The following PIM1 variants were observed in gnomAD, a reference collection of about 807,000 sequenced individuals.
PIM1 encodes the protein Pim-1 proto-oncogene, serine/threonine kinase.
A neutral mutation model predicts 34.5 loss-of-function variants in PIM1; 9 were observed. The ratio of observed to expected loss-of-function variants is 0.26; its 90% CI spans 0.16 to 0.46. PIM1 has a LOEUF of 0.46. Among genes scored for constraint, PIM1 ranks in the 20% least tolerant of loss-of-function variants. PIM1 has a pLI of 1.00. For synonymous variants in PIM1, 199 were observed against 175.2 expected (o/e 1.14, Z -1.07); for missense variants, 274 against 410.9 (o/e 0.67, Z 2.88).
Position 37,171,000 on chromosome 6 carries a change from A to G in PIM1, c.209A>G (p.Glu70Gly), listed in dbSNP as rs576745819. 6.2e-7 allele frequency: 1 copy of G among 1,614,060 alleles called. No homozygotes were observed. The highest frequency in any genetic ancestry group is 8.5e-7 in the Non-Finnish European group (1 of 1,179,996). Reference sequence around the variant, plus strand: ...TTCCAGGTGGCCATCAAACACGTGGAGAAGGACCGGATTTCCGACTGGGGA... The same window carrying G: ...TTCCAGGTGGCCATCAAACACGTGGGGAAGGACCGGATTTCCGACTGGGGA... ...DNLPVAIKHV[E>G]KDRISDWGEL... The change falls in exon 3 of 6, where the codon GAG becomes GGG. Residue 70 changes from glutamate (E) to glycine (G), a missense_variant. By Grantham distance (98) the Glu-to-Gly change is moderately conservative. Transcript: ENST00000373509.
chr6:37,172,395 A>G (rs1387202883), intron 4 of PIM1: 2 of 346,738 alleles, frequency 5.8e-6, no homozygotes, highest in Non-Finnish European at 1.1e-5. Flanking sequence ...TTCTTTTACT[A>G]CCCAAAGTTT....
At chr6:37,171,819 G>C (rs2113770738) in intron 4 of PIM1, among the ~76,000 whole-genome samples, 1 of 152,334 alleles carries the variant, frequency 6.6e-6, no homozygotes, top group African/African-American at 2.4e-5. Flanking sequence ...GCCAGTAAAA[G>C]GATGGGGGCG....
intron 5 of PIM1, among the ~76,000 whole-genome samples, chr6:37,173,545 A>AC (rs1762346021): frequency 6.6e-6 from 1 of 152,212 alleles, no homozygotes; most frequent in African/African-American, 2.4e-5. Context: ...ATATTTTGGT[A>AC]CCAGTGACCT....
Position 37,170,472 on chromosome 6 carries a change from G to T in PIM1, c.-104G>T. 6.4e-7 allele frequency: 1 copy of T among 1,568,088 alleles called. No individual in the cohort carries two copies. ...AGCCGCAACGCCACCCGCAGCCACA[G>T]CCACAGCCACAGCCCCAGGCATAGC... On this transcript the variant is annotated 5_prime_UTR_variant, in exon 1 of 6. Coordinates refer to ENST00000373509, the MANE Select transcript of PIM1 (RefSeq NM_002648.4).
rs1762252175 is a variant in PIM1, at chr6:37,170,479, CCACAGCCCCAGGCATAGCCTTCGG to C, written c.-87_-64del. 6 of 1,576,404 alleles carry C rather than the reference CCACAGCCCCAGGCATAGCCTTCGG, an allele frequency of 3.8e-6. No individual in the cohort carries two copies. Among genetic ancestry groups the C allele is most frequent in the South Asian group, 1.1e-5 (1 of 88,342 alleles). On this transcript the variant is annotated 5_prime_UTR_variant, in exon 1 of 6. Coordinates refer to ENST00000373509, the MANE Select transcript of PIM1 (RefSeq NM_002648.4). ...ACGCCACCCGCAGCCACAGCCACAG[CCACAGCCCCAGGCATAGCCTTCGG>C]CACAGCCCCGGCTCCGGCTCCTGCG... is the stretch of plus-strand genomic sequence containing the variant.
At chr6:37,172,099 C>T (rs897952615) in intron 4 of PIM1, among the ~76,000 whole-genome samples, 1 of 151,690 alleles carries the variant, frequency 6.6e-6, no homozygotes, top group African/African-American at 2.4e-5. Context: ...GAAAACCTAT[C>T]CTAGGGAGGG....
Position 37,170,647 on chromosome 6 carries a change from G to C in PIM1, c.72G>C (p.Lys24Asn). 6.2e-7 allele frequency: 1 copy of C among 1,612,176 alleles called. No individual in the cohort carries two copies. Among genetic ancestry groups the C allele is most frequent in the Non-Finnish European group, 8.5e-7 (1 of 1,179,380 alleles). ...AAPCNDLHAT[K>N]LAPGKEKEPL... The stretch of plus-strand genomic sequence containing the variant: ...CCTGCAACGACCTGCACGCCACCAA[G>C]CTGGCGCCCGGTGAGAGCACCCCCC... The change falls in exon 1 of 6, where the codon AAG becomes AAC. Residue 24 changes from lysine to asparagine, a missense_variant. By Grantham distance (94) the Lys-to-Asn change is moderately conservative. Around this residue, in one of 2 missense-constraint regions of PIM1, gnomAD observed 106 missense variants for 111.5 expected, o/e 0.95. Coordinates refer to ENST00000373509, the MANE Select transcript of PIM1 (RefSeq NM_002648.4).
At chr6:37,172,000 G>C (rs1338419034) in intron 4 of PIM1, among the ~76,000 whole-genome samples, 1 of 151,690 alleles carries the variant, frequency 6.6e-6, no homozygotes. Context: ...TTTCTTTAGT[G>C]TTAAGGGGAG....
At position 37,174,702 on chromosome 6, in the gene PIM1, C is replaced by T. The variant is rs550152972; in HGVS notation, c.*611C>T. 1.3e-5 allele frequency: 3 copies of T among 233,718 alleles called. No homozygotes were observed. Among genetic ancestry groups the T allele is most frequent in the African/African-American group, 6.6e-5 (3 of 45,438 alleles). The allele number at this position is 233,718 out of a possible 1,614,324, so 14.5% of individuals were successfully genotyped here. On this transcript the variant is annotated 3_prime_UTR_variant, in exon 6 of 6. Transcript: ENST00000373509. ...CCATGGAAGAGGCTACAGGGCCAAA[C>T]GCTGAGCCACCTGCCCTTTTTTCTG... is the stretch of plus-strand genomic sequence containing the variant.
At chr6:37,170,725 G>T (rs1762261319) in intron 1 of PIM1, 48 bp from the exon 2 acceptor site, 1 of 1,605,306 alleles carries the variant, frequency 6.2e-7, no homozygotes, top group Non-Finnish European at 8.5e-7. Context: ...GTGGGGAGCT[G>T]GCGGCTCGCG....
At chr6:37,170,944 C>G (rs1238919195) in intron 2 of PIM1, 37 bp from the exon 3 acceptor site, 4 of 1,613,706 alleles carry the variant, frequency 2.5e-6, no homozygotes, top group African/African-American at 1.3e-5. Context: ...TGCTTTAGCC[C>G]GGACGAGGGA....
At position 37,170,810 on chromosome 6, in the gene PIM1, G is replaced by A. The variant is rs1411666336; in HGVS notation, c.120G>A (p.Val40=). Residue 40 remains valine (V), a synonymous_variant, in exon 2 of 6, where the codon GTG becomes GTA. Coordinates refer to ENST00000373509, the MANE Select transcript of PIM1 (RefSeq NM_002648.4). ...EKEPLESQYQ[V]GPLLGSGGFG... is the part of the protein sequence containing the mutation. ...AGCCCCTGGAGTCGCAGTACCAGGT[G>A]GGCCCGCTACTGGGCAGCGGCGGCT... The A allele has an allele frequency of 8.1e-6, 13 of 1,613,038 alleles. No homozygotes were observed. The Admixed American group carries it at 2.2e-4, about 27-fold the overall frequency.
intron 4 of PIM1, chr6:37,172,646 C>A (rs930381592): frequency 4.1e-6 from 2 of 490,176 alleles, no homozygotes; most frequent in Non-Finnish European, 8.0e-6. Context: ...TATGAGATAC[C>A]TTTCTTGGTT....
chr6:37,175,018 C>T lies in PIM1; in HGVS notation c.*927C>T. ...ATTTATTTATTTATTTATTTGGTTC[C>T]CTTCCTATTCCAAGCTTCCATAGCT... On this transcript the variant is annotated 3_prime_UTR_variant, in exon 6 of 6. Coordinates refer to ENST00000373509, the MANE Select transcript of PIM1 (RefSeq NM_002648.4). 4.3e-6 allele frequency: 1 copy of T among 233,496 alleles called. No homozygotes were observed. The allele number at this position is 233,496 out of a possible 1,614,324, so 14.5% of individuals were successfully genotyped here. A position where few individuals can be genotyped will look rare whatever the true frequency, so the allele number is the denominator to read the frequency against.
chr6:37,170,334 C>T lies in PIM1; in HGVS notation c.-242C>T. On this transcript the variant is annotated 5_prime_UTR_variant, in exon 1 of 6. Transcript: ENST00000373509. ...CACGAGCCCCACGAGCCGCTCACCC[C>T]GCCGTTCTCAGCGCTGCCCGACCCC... 1.3e-6 allele frequency: 2 copies of T among 1,497,618 alleles called. No homozygotes were observed. Among genetic ancestry groups the T allele is most frequent in the Non-Finnish European group, 1.8e-6 (2 of 1,129,016 alleles). The allele number at this position is 1,497,618 out of a possible 1,614,324, so 92.8% of individuals were successfully genotyped here.
chr6:37,170,715 G>T (rs1762260934), intron 1 of PIM1, 58 bp downstream of exon 1: 17 of 1,607,280 alleles, frequency 1.1e-5, no homozygotes, highest in Non-Finnish European at 1.4e-5. Context: ...GATCTCCTGG[G>T]TGGGGAGCTG....
intron 1 of PIM1, 28 bp downstream of exon 1, chr6:37,170,685 G>A (rs367735069): frequency 1.9e-6 from 3 of 1,606,776 alleles, no homozygotes; most frequent in Non-Finnish European, 2.5e-6. Context: ...CTCCGGCCCG[G>A]GGATGCGGGG....
intron 1 of PIM1, 56 bp downstream of exon 1, chr6:37,170,713 G>A: frequency 6.2e-7 from 1 of 1,607,102 alleles, no homozygotes; most frequent in South Asian, 1.1e-5. Context: ...GGGATCTCCT[G>A]GGTGGGGAGC....
chr6:37,171,430 C>T lies in PIM1; in HGVS notation c.546C>T (p.Leu182=). 2 of 1,613,958 alleles carry T rather than the reference C, an allele frequency of 1.2e-6. No individual in the cohort carries two copies. The highest frequency in any genetic ancestry group is 1.1e-5 in the South Asian group (1 of 91,088). The change falls in exon 4 of 6, where the codon CTC becomes CTT. Residue 182 remains leucine, a synonymous_variant. Coordinates refer to ENST00000373509, the MANE Select transcript of PIM1 (RefSeq NM_002648.4). ...NILIDLNRGE[L]KLIDFGSGAL... is the part of the protein sequence containing the mutation. ...TTATCGACCTCAATCGCGGCGAGCT[C>T]AAGCTCATCGACTTCGGGTCGGGGG...
Sources: gnomAD v4.1 joint callset for allele counts (sites outside exome capture counted in the v4.1 genomes callset) on GRCh38, gnomAD v4.1.1 for gene constraint, gnomAD v4.1.1 regional missense constraint, MANE v1.5 for transcripts, NCBI Gene and HGNC (gene_info 2026-07-23, HGNC 2026-07-21) for gene names.